EMP2: variants seen among roughly 807,000 people sequenced by gnomAD.
The protein encoded by EMP2 is epithelial membrane protein 2.
In EMP2, 19 loss-of-function variants were observed where a neutral mutation model predicts 13.7. The ratio of observed to expected loss-of-function variants is 1.38; its 90% confidence interval spans 0.97 to 2.03. The LOEUF (loss-of-function observed/expected upper bound fraction) is 2.03, where lower values mean the gene tolerates loss of function less well. EMP2 is among the 30% of genes most tolerant of loss of function. EMP2 has a pLI of 0.00. For synonymous variants in EMP2, 97 were observed against 84.7 expected, an observed-to-expected ratio of 1.15 and a Z score of -0.80; for missense variants, 253 against 220.7, an observed-to-expected ratio of 1.15 and a Z score of -0.93.
intron 1 of EMP2, among the ~76,000 whole-genome samples, chr16:10,566,906 T>C (rs1235949181): frequency 6.6e-6 from 1 of 152,076 alleles, no homozygotes; most frequent in Non-Finnish European, 1.5e-5. Context: ...CCCTTCTTTG[T>C]CCCCAACAAA....
Position 10,533,158 on chromosome 16 carries a change from G to T in EMP2, c.317-66C>A. On this transcript the variant is annotated intron_variant, in intron 4 of 4. Coordinates refer to ENST00000359543, the MANE Select transcript of EMP2 (RefSeq NM_001424.6). ...ACAGTGCACCCTGGGTAGCCCAGGG[G>T]CATACGGCCAGAGTTGAAGACAAAC... The T allele has an allele frequency of 5.4e-6, 7 of 1,290,024 alleles. No homozygotes were observed. In the South Asian group the frequency reaches 1.3e-4, roughly 24 times the overall value. The allele number at this position is 1,290,024 out of a possible 1,614,324, so 79.9% of individuals were successfully genotyped here.
At chr16:10,567,885 G>C (rs995049357) in intron 1 of EMP2, among the ~76,000 whole-genome samples, 13 of 152,184 alleles carry the variant, frequency 8.5e-5, no homozygotes, top group African/African-American at 3.1e-4. Context: ...TGTCTGCTTG[G>C]GTTCACTGCA....
rs193252078 is a variant in EMP2, at chr16:10,535,062, A to T, written c.317-1970T>A. Among the ~76,000 whole-genome samples, 421 of 152,334 alleles carry T rather than the reference A, an allele frequency of 2.8e-3. 1 individual carries two copies. The highest frequency in any genetic ancestry group is 4.9e-3 in the Non-Finnish European group (332 of 68,020). On this transcript the variant is annotated intron_variant, in intron 4 of 4. Transcript: ENST00000359543. ...CTGCCTATCAGTTGCTGGTGCCTGG[A>T]TCTTCTTTCCAAGACCTGGTTTTTC...
chr16:10,554,972 T>C (rs751511280), intron 1 of EMP2, among the ~76,000 whole-genome samples: 8 of 152,352 alleles, frequency 5.3e-5, no homozygotes. Flanking sequence ...GAAAGCATCT[T>C]ATTCGTTCAG....
At position 10,556,846 on chromosome 16, in the gene EMP2, C is replaced by T. The variant is rs769868511; in HGVS notation, c.-60-9169G>A. Among the ~76,000 whole-genome samples, 5 of 152,170 alleles carry T rather than the reference C, an allele frequency of 3.3e-5. No homozygotes were observed. The South Asian group carries it at 6.2e-4, about 19-fold the overall frequency. ...GTTCCAAATACAGGGCATTTTTATA[C>T]GACTCTCTTTCCTCTCACATGCTTA... is the stretch of plus-strand genomic sequence containing the variant. On this transcript the variant is annotated intron_variant, in intron 1 of 4. Coordinates refer to ENST00000359543, the MANE Select transcript of EMP2 (RefSeq NM_001424.6).
intron 2 of EMP2, chr16:10,545,404 G>C (rs556483886): frequency 1.3e-5 from 2 of 152,328 alleles, no homozygotes; most frequent in South Asian, 4.2e-4. Context: ...CGCAGCAGGA[G>C]GTGAGCAGCC....
chr16:10,560,691 T>C (rs1050053055), intron 1 of EMP2, among the ~76,000 whole-genome samples: 5 of 152,040 alleles, frequency 3.3e-5, no homozygotes, highest in Admixed American at 1.3e-4. Flanking sequence ...TGGCCCTGTG[T>C]TGGGGTGGGA....
chr16:10,571,121 G>T (rs947602501), intron 1 of EMP2, among the ~76,000 whole-genome samples: 1 of 151,894 alleles, frequency 6.6e-6, no homozygotes, highest in African/African-American at 2.4e-5. Flanking sequence ...GCTGGGCGTG[G>T]TGGTGTGCAC....
chr16:10,575,179 A>G (rs566388346), intron 1 of EMP2, among the ~76,000 whole-genome samples: 3 of 143,400 alleles, frequency 2.1e-5, no homozygotes, highest in East Asian at 4.4e-4. Context: ...TTTGCACACC[A>G]CATATGGTGG....
At chr16:10,566,536 A>G (rs2050907952) in intron 1 of EMP2, among the ~76,000 whole-genome samples, 1 of 152,230 alleles carries the variant, frequency 6.6e-6, no homozygotes. Context: ...CTTTCCCACC[A>G]GTGATTTAAT....
chr16:10,568,220 T>C (rs981203495), intron 1 of EMP2, among the ~76,000 whole-genome samples: 1 of 152,186 alleles, frequency 6.6e-6, no homozygotes, highest in African/African-American at 2.4e-5. Context: ...TGCTAAAAGA[T>C]GCCCAGTGAT....
intron 1 of EMP2, among the ~76,000 whole-genome samples, chr16:10,567,550 C>G (rs1406167324): frequency 6.6e-6 from 1 of 152,182 alleles, no homozygotes; most frequent in Non-Finnish European, 1.5e-5. Context: ...GCCAGGCATT[C>G]GTTCCACAGC....
At chr16:10,533,216 G>T in intron 4 of EMP2, 124 bp from the exon 5 acceptor site, 1 of 1,009,410 alleles carries the variant, frequency 9.9e-7, no homozygotes, top group Non-Finnish European at 1.3e-6. Flanking sequence ...TTATTATTTT[G>T]TTGTAGAGAC....
intron 3 of EMP2, among the ~76,000 whole-genome samples, chr16:10,543,147 G>A (rs2050713677): frequency 6.6e-6 from 1 of 152,218 alleles, no homozygotes; most frequent in African/African-American, 2.4e-5. Context: ...AGCCCCGCCA[G>A]ATCTCGGATT....
At chr16:10,538,176 C>T in intron 3 of EMP2, 102 bp from the exon 4 acceptor site, 3 of 1,439,426 alleles carry the variant, frequency 2.1e-6, no homozygotes, top group Non-Finnish European at 2.9e-6. Context: ...TGACAGGAGG[C>T]AAACAGGAAG....
At chr16:10,568,565 G>A (rs950535703) in intron 1 of EMP2, among the ~76,000 whole-genome samples, 5 of 152,050 alleles carry the variant, frequency 3.3e-5, no homozygotes, top group Admixed American at 1.3e-4. Context: ...AAGAAAAGTC[G>A]TTGGTACATC....
At chr16:10,577,299 G>T (rs2050990130) in intron 1 of EMP2, among the ~76,000 whole-genome samples, 2 of 152,096 alleles carry the variant, frequency 1.3e-5, no homozygotes, top group African/African-American at 4.8e-5. Flanking sequence ...AGTACCTCTG[G>T]AGCCGTGCAG....
chr16:10,538,207 A>G, intron 3 of EMP2, 133 bp from the exon 4 acceptor site: 1 of 1,114,690 alleles, frequency 9.0e-7, no homozygotes, highest in South Asian at 1.5e-5. Context: ...GGTCGTCTAC[A>G]TGGTCTGAGC....
At chr16:10,555,527 G>T (rs7195467) in intron 1 of EMP2, among the ~76,000 whole-genome samples, 28,947 of 151,902 alleles carry the variant, frequency 0.19, 6,147 homozygotes, top group African/African-American at 0.53. Flanking sequence ...AGAACCAAAA[G>T]GTATATGGTG....
Sources: allele counts gnomAD v4.1 joint callset (sites outside exome capture counted in the v4.1 genomes callset), GRCh38; gene constraint gnomAD v4.1.1; transcripts MANE v1.5; gene names NCBI Gene and HGNC (gene_info 2026-07-23, HGNC 2026-07-21).